The following SUPT20HL2 variants were observed in gnomAD, a reference collection of about 807,000 sequenced individuals.
SUPT20HL2 encodes SUPT20H like 2.
For missense variants in SUPT20HL2, 288 were observed against 127.4 expected (o/e 2.26, Z -6.07); for synonymous variants, 125 against 51.6 (o/e 2.42, Z -6.10).
rs745923718 is a variant in SUPT20HL2 at position 24,311,040 on chromosome X, TGCA to T, written c.2273_2275del (p.Leu758del). On this transcript the variant is annotated inframe_deletion, in exon 1 of 1. Coordinates refer to ENST00000486479, the MANE Select transcript of SUPT20HL2 (RefSeq NM_001136233.3). ...GATCTGCTGTGGCTGTGGTTGTGGC[TGCA>T]GCAGCAGCAGCGGCTGTGGCTGCTG... The T allele has an allele frequency of 2.6e-6, 1 of 380,432 alleles. No individual in the cohort carries two copies. Among genetic ancestry groups the T allele is most frequent in the Non-Finnish European group, 5.3e-6 (1 of 189,295 alleles). 31.4% of individuals were successfully genotyped at this position (380,432 alleles called of 1,213,427 possible). A position where few individuals can be genotyped will look rare whatever the true frequency, so the allele number is the denominator to read the frequency against.
chrX:24,313,988 T>G lies in SUPT20HL2; in HGVS notation c.-673A>C, dbSNP rs754666557. 3 of 362,974 alleles carry G rather than the reference T, an allele frequency of 8.3e-6. No individual in the cohort carries two copies. Among genetic ancestry groups the G allele is most frequent in the Non-Finnish European group, 1.6e-5 (3 of 186,038 alleles). The allele number at this position is 362,974 out of a possible 1,213,427, so 29.9% of individuals were successfully genotyped here. On this transcript the variant is annotated 5_prime_UTR_variant, in exon 1 of 1. Transcript: ENST00000486479. ...CCCAGGGAAGCGCTACCCAATCTGT[T>G]TGAGGGTTTCTGAAAACATCGGTAC... is the stretch of plus-strand genomic sequence containing the variant.
In SUPT20HL2 at chrX:24,308,964, T is replaced by C. The variant is rs941263729; in HGVS notation, c.*1898A>G. 8.9e-6 allele frequency among the ~76,000 whole-genome samples: 1 copy of C among 112,476 alleles called. No homozygotes were observed. The highest frequency in any genetic ancestry group is 1.9e-5 in the Non-Finnish European group (1 of 53,285). ...AGTGAAAGAGGCCAGACACAAAAGA[T>C]CACATACTGTATGACTACATTTACA... On this transcript the variant is annotated 3_prime_UTR_variant, in exon 1 of 1. Coordinates refer to ENST00000486479, the MANE Select transcript of SUPT20HL2 (RefSeq NM_001136233.3).
Position 24,309,757 on chromosome X carries a change from A to AAC in SUPT20HL2, c.*1104_*1105insGT, listed in dbSNP as rs1939104446. Among the ~76,000 whole-genome samples the AAC allele has an allele frequency of 2.2e-5, 2 of 91,376 alleles. No homozygotes were observed. Among genetic ancestry groups the AAC allele is most frequent in the African/African-American group, 4.1e-5 (1 of 24,646 alleles). The allele number at this position is 91,376 out of a possible 115,157, so 79.3% of individuals were successfully genotyped here. A position where few individuals can be genotyped will look rare whatever the true frequency, so the allele number is the denominator to read the frequency against. On this transcript the variant is annotated 3_prime_UTR_variant, in exon 1 of 1. Coordinates refer to ENST00000486479, the MANE Select transcript of SUPT20HL2 (RefSeq NM_001136233.3). ...AATAAAAAAAAAAAGAAAAAAAAAA[A>AAC]AAAAAAAAAAAACATCCAAAAAGAG... is the stretch of plus-strand genomic sequence containing the variant.
Position 24,309,678 on chromosome X carries a change from AAAAAAAAAAAAATT to A in SUPT20HL2, c.*1170_*1183del, listed in dbSNP as rs1939094623. Among the ~76,000 whole-genome samples, 1 of 81,983 alleles carries A rather than the reference AAAAAAAAAAAAATT, an allele frequency of 1.2e-5. No individual in the cohort carries two copies. Among genetic ancestry groups the A allele is most frequent in the Non-Finnish European group, 2.2e-5 (1 of 45,617 alleles). The allele number at this position is 81,983 out of a possible 115,157, so 71.2% of individuals were successfully genotyped here. ...TGTACCCTAAAACTTAGAGTATAAT[AAAAAAAAAAAAATT>A]AAAAAAAAAAATTAAAAAAAAAAAG... On this transcript the variant is annotated 3_prime_UTR_variant, in exon 1 of 1. Coordinates refer to ENST00000486479, the MANE Select transcript of SUPT20HL2 (RefSeq NM_001136233.3).
rs1939109042 is a variant in SUPT20HL2 at position 24,310,065 on chromosome X, G to A, written c.*797C>T. On this transcript the variant is annotated 3_prime_UTR_variant, in exon 1 of 1. Transcript: ENST00000486479. ...TTTCTTCTGAAAGAGGTTTCTCAGAGTTTATAGGTCACTTTCATATATATT... is the reference window on the plus strand; with the variant it reads ...TTTCTTCTGAAAGAGGTTTCTCAGAATTTATAGGTCACTTTCATATATATT... 9.0e-6 allele frequency among the ~76,000 whole-genome samples: 1 copy of A among 111,466 alleles called. No homozygotes were observed. The highest frequency in any genetic ancestry group is 1.9e-5 in the Non-Finnish European group (1 of 53,143).
Position 24,311,741 on chromosome X carries a change from C to G in SUPT20HL2, c.1575G>C (p.Ala525=), listed in dbSNP as rs1257350842. The change falls in exon 1 of 1, where the codon GCG becomes GCC. Residue 525 remains alanine (A), a synonymous_variant. Transcript: ENST00000486479. ...PALAAAAVAA[A]AGGAAPSHSQ... ...AATGGCTTGGTGCCGCCCCACCGGC[C>G]GCCGCCGCCACAGCAGCAGCAGCTA... 1 of 354,844 alleles carries G rather than the reference C, an allele frequency of 2.8e-6. No homozygotes were observed. Among genetic ancestry groups the G allele is most frequent in the East Asian group, 8.9e-5 (1 of 11,200 alleles). 29.2% of individuals were successfully genotyped at this position (354,844 alleles called of 1,213,427 possible). A position where few individuals can be genotyped will look rare whatever the true frequency, so the allele number is the denominator to read the frequency against.
chrX:24,309,747 A>AAAAAAAAAAAAAAAAAAAAAAAG lies in SUPT20HL2; in HGVS notation c.*1114_*1115insCTTTTTTTTTTTTTTTTTTTTTT. On this transcript the variant is annotated 3_prime_UTR_variant, in exon 1 of 1. Coordinates refer to ENST00000486479, the MANE Select transcript of SUPT20HL2 (RefSeq NM_001136233.3). ...AAATAATAAAAATAAAAAAAAAAAG[A>AAAAAAAAAAAAAAAAAAAAAAAG]AAAAAAAAAAAAAAAAAAAAAACAT... is the stretch of plus-strand genomic sequence containing the variant. Among the ~76,000 whole-genome samples, 1 of 2,703 alleles carries AAAAAAAAAAAAAAAAAAAAAAAG rather than the reference A, an allele frequency of 3.7e-4. No homozygotes were observed. Among genetic ancestry groups the AAAAAAAAAAAAAAAAAAAAAAAG allele is most frequent in the Non-Finnish European group, 7.4e-4 (1 of 1,345 alleles). The allele number at this position is 2,703 out of a possible 115,157, so 2.3% of individuals were successfully genotyped here. A position where few individuals can be genotyped will look rare whatever the true frequency, so the allele number is the denominator to read the frequency against.
In SUPT20HL2 at chrX:24,311,689, T is replaced by G. The variant is rs747265632; in HGVS notation, c.1627A>C (p.Lys543Gln). 6.8e-5 allele frequency: 26 copies of G among 380,086 alleles called. No individual in the cohort carries two copies. The highest frequency in any genetic ancestry group is 6.5e-4 in the Admixed American group (25 of 38,677). 31.3% of individuals were successfully genotyped at this position (380,086 alleles called of 1,213,427 possible). A position where few individuals can be genotyped will look rare whatever the true frequency, so the allele number is the denominator to read the frequency against. The stretch of plus-strand genomic sequence containing the variant: ...GCAGCTGGACGGCGCCTGCTAGCTT[T>G]AATAAGAGGCACAGAGGGCTTCTGA... The part of the protein sequence containing the change: ...HSQKPSVPLI[K>Q]ASRRRPAAGR... Residue 543 changes from lysine (K) to glutamine (Q), a missense_variant, in exon 1 of 1, where the codon AAA becomes CAA. Transcript: ENST00000486479.
rs1460216823 is a variant in SUPT20HL2 at position 24,310,844 on chromosome X, A to AG, written c.*17_*18insC. The AG allele has an allele frequency of 5.5e-6, 2 of 363,630 alleles. No individual in the cohort carries two copies. The highest frequency in any genetic ancestry group is 5.6e-6 in the Non-Finnish European group (1 of 179,822). The allele number at this position is 363,630 out of a possible 1,213,427, so 30.0% of individuals were successfully genotyped here. A position where few individuals can be genotyped will look rare whatever the true frequency, so the allele number is the denominator to read the frequency against. ...CAGTGCTCCCATGCTTTTAAAAGAG[A>AG]ACAAACTACCACAAGCCTCAGGGAG... On this transcript the variant is annotated 3_prime_UTR_variant, in exon 1 of 1. Coordinates refer to ENST00000486479, the MANE Select transcript of SUPT20HL2 (RefSeq NM_001136233.3).
rs1157065397 is a variant in SUPT20HL2, at chrX:24,309,705, T to TAAAA, written c.*1153_*1156dup. The stretch of plus-strand genomic sequence containing the variant: ...AAAAAAAAAAATTAAAAAAAAAAAT[T>TAAAA]AAAAAAAAAAAGAAAAAAATAATAA... On this transcript the variant is annotated 3_prime_UTR_variant, in exon 1 of 1. Transcript: ENST00000486479. 1.1e-4 allele frequency among the ~76,000 whole-genome samples: 2 copies of TAAAA among 18,037 alleles called. No homozygotes were observed. The highest frequency in any genetic ancestry group is 8.7e-4 in the Admixed American group (1 of 1,156). The allele number at this position is 18,037 out of a possible 115,157, so 15.7% of individuals were successfully genotyped here. A position where few individuals can be genotyped will look rare whatever the true frequency, so the allele number is the denominator to read the frequency against.
At position 24,309,024 on chromosome X, in the gene SUPT20HL2, CA is replaced by C. The variant is rs1354178490; in HGVS notation, c.*1837del. On this transcript the variant is annotated 3_prime_UTR_variant, in exon 1 of 1. Transcript: ENST00000486479. Reference sequence around the variant, plus strand: ...TAGGTAAATCCATAGAAACAGAAAGCAAATTGGTGGTTGCCAGAGGCTGGGA... The same window carrying C: ...TAGGTAAATCCATAGAAACAGAAAGCAATTGGTGGTTGCCAGAGGCTGGGA... 1.8e-5 allele frequency among the ~76,000 whole-genome samples: 2 copies of C among 111,851 alleles called. No individual in the cohort carries two copies. Among genetic ancestry groups the C allele is most frequent in the Non-Finnish European group, 3.8e-5 (2 of 53,047 alleles).
rs565076395 is a variant in SUPT20HL2 at position 24,310,810 on chromosome X, C to T, written c.*52G>A. On this transcript the variant is annotated 3_prime_UTR_variant, in exon 1 of 1. Coordinates refer to ENST00000486479, the MANE Select transcript of SUPT20HL2 (RefSeq NM_001136233.3). Reference sequence around the variant, plus strand: ...AAAACTCAAGTAAAAACTGGGAATTCATGTGGGTCAGTGCTCCCATGCTTT... The same window carrying T: ...AAAACTCAAGTAAAAACTGGGAATTTATGTGGGTCAGTGCTCCCATGCTTT... 3.3e-6 allele frequency: 1 copy of T among 302,888 alleles called. No homozygotes were observed. Among genetic ancestry groups the T allele is most frequent in the Admixed American group, 4.1e-5 (1 of 24,142 alleles). 25.0% of individuals were successfully genotyped at this position (302,888 alleles called of 1,213,427 possible).
chrX:24,309,539 AG>A lies in SUPT20HL2; in HGVS notation c.*1322del, dbSNP rs1225838137. ...AAAGGGACTGTGGTGGGGTCGGGGG[AG>A]GGGGGAGGGATAGCATTGGGAGATA... On this transcript the variant is annotated 3_prime_UTR_variant, in exon 1 of 1. Transcript: ENST00000486479. Among the ~76,000 whole-genome samples, 1 of 32,653 alleles carries A rather than the reference AG, an allele frequency of 3.1e-5. No homozygotes were observed. Among genetic ancestry groups the A allele is most frequent in the Non-Finnish European group, 5.0e-5 (1 of 19,831 alleles). The allele number at this position is 32,653 out of a possible 115,157, so 28.4% of individuals were successfully genotyped here.
In SUPT20HL2 at chrX:24,308,338, C is replaced by T. The variant is rs1211533158; in HGVS notation, c.*2524G>A. ...AGCAGCAGGCAAAGGAGAAAGCACA[C>T]CAAATTTGGTGACATACTGAATTCA... On this transcript the variant is annotated 3_prime_UTR_variant, in exon 1 of 1. Coordinates refer to ENST00000486479, the MANE Select transcript of SUPT20HL2 (RefSeq NM_001136233.3). 4 of 373,861 alleles carry T rather than the reference C, an allele frequency of 1.1e-5. No homozygotes were observed. The highest frequency in any genetic ancestry group is 7.1e-5 in the South Asian group (3 of 42,289). The allele number at this position is 373,861 out of a possible 1,213,427, so 30.8% of individuals were successfully genotyped here. A position where few individuals can be genotyped will look rare whatever the true frequency, so the allele number is the denominator to read the frequency against.
chrX:24,311,417 T>C lies in SUPT20HL2; in HGVS notation c.1899A>G (p.Pro633=), dbSNP rs1432514523. The C allele has an allele frequency of 2.6e-6, 1 of 386,087 alleles. No homozygotes were observed. Among genetic ancestry groups the C allele is most frequent in the Non-Finnish European group, 5.2e-6 (1 of 192,418 alleles). 31.8% of individuals were successfully genotyped at this position (386,087 alleles called of 1,213,427 possible). Residue 633 remains proline, a synonymous_variant, in exon 1 of 1, where the codon CCA becomes CCG. Transcript: ENST00000486479. ...TATTTAGGAAAAACTGAAGGGGTGC[T>C]GGAGAAGATGCCTGCACTGCACCGG... is the stretch of plus-strand genomic sequence containing the variant. ...ARPGAVQASS[P]APLQFFLNTP...
rs1351427462 is a variant in SUPT20HL2 at position 24,308,661 on chromosome X, G to C, written c.*2201C>G. On this transcript the variant is annotated 3_prime_UTR_variant, in exon 1 of 1. Transcript: ENST00000486479. ...TTCTATTTTGTTAAGGCAAAAAACA[G>C]AGAAATGTACATGTGTACCTAGAAA... Among the ~76,000 whole-genome samples the C allele has an allele frequency of 8.9e-6, 1 of 112,143 alleles. No homozygotes were observed. The highest frequency in any genetic ancestry group is 2.8e-4 in the East Asian group (1 of 3,604).
At position 24,311,564 on chromosome X, in the gene SUPT20HL2, T is replaced by C; in HGVS notation, c.1752A>G (p.Gly584=). Residue 584 remains glycine, a synonymous_variant, in exon 1 of 1, where the codon GGA becomes GGG. Transcript: ENST00000486479. ...KATNVEGPVR[G]AQVLGCSFKP... Reference sequence around the variant, plus strand: ...TGAAACTGCACCCCAAAACCTGGGCTCCCCGGACTGGGCCCTCCACGTTGG... The same window carrying C: ...TGAAACTGCACCCCAAAACCTGGGCCCCCCGGACTGGGCCCTCCACGTTGG... 2.6e-6 allele frequency: 1 copy of C among 384,714 alleles called. No individual in the cohort carries two copies. Among genetic ancestry groups the C allele is most frequent in the Non-Finnish European group, 5.2e-6 (1 of 191,900 alleles). 31.7% of individuals were successfully genotyped at this position (384,714 alleles called of 1,213,427 possible).
rs778938012 is a variant in SUPT20HL2 at position 24,308,223 on chromosome X, C to T, written c.*2639G>A. ...AAGACCACCAAATGATAATCAGAAA[C>T]AAAACTAAATTTATTTGCCTGCCTG... On this transcript the variant is annotated 3_prime_UTR_variant, in exon 1 of 1. Transcript: ENST00000486479. 5.4e-6 allele frequency: 2 copies of T among 373,529 alleles called. No individual in the cohort carries two copies. The highest frequency in any genetic ancestry group is 4.7e-5 in the South Asian group (2 of 42,293). The allele number at this position is 373,529 out of a possible 1,213,427, so 30.8% of individuals were successfully genotyped here. A position where few individuals can be genotyped will look rare whatever the true frequency, so the allele number is the denominator to read the frequency against.
rs753390639 is a variant in SUPT20HL2, at chrX:24,310,814, T to C, written c.*48A>G. ...CTCAAGTAAAAACTGGGAATTCATGTGGGTCAGTGCTCCCATGCTTTTAAA... is the reference window on the plus strand; with the variant it reads ...CTCAAGTAAAAACTGGGAATTCATGCGGGTCAGTGCTCCCATGCTTTTAAA... On this transcript the variant is annotated 3_prime_UTR_variant, in exon 1 of 1. Transcript: ENST00000486479. 1.3e-5 allele frequency: 4 copies of C among 307,984 alleles called. No homozygotes were observed. Among genetic ancestry groups the C allele is most frequent in the South Asian group, 9.9e-5 (3 of 30,372 alleles). 25.4% of individuals were successfully genotyped at this position (307,984 alleles called of 1,213,427 possible). A position where few individuals can be genotyped will look rare whatever the true frequency, so the allele number is the denominator to read the frequency against.
Sources: gnomAD v4.1 joint callset for allele counts (sites outside exome capture counted in the v4.1 genomes callset) on GRCh38, gnomAD v4.1.1 for gene constraint, MANE v1.5 for transcripts, NCBI Gene and HGNC (gene_info 2026-07-23, HGNC 2026-07-21) for gene names.